SLK: variants seen among roughly 807,000 people sequenced by gnomAD.
SLK encodes the protein STE20 like kinase.
A neutral mutation model predicts 147.7 loss-of-function variants in SLK; 67 were observed. That is an observed-to-expected ratio of 0.45 (90% CI 0.37 to 0.56). The LOEUF (loss-of-function observed/expected upper bound fraction) is 0.56. SLK is among the 20% of genes least tolerant of loss of function. The pLI, the probability that SLK is intolerant of heterozygous loss-of-function variation, is 0.00. For missense variants in SLK, 1,136 were observed against 1,438.8 expected (o/e 0.79, Z 3.41); for synonymous variants, 441 against 475.0 (o/e 0.93, Z 0.93).
At chr10:103,988,980 C>A (rs1646694145) in intron 1 of SLK, among the ~76,000 whole-genome samples, 1 of 152,136 alleles carries the variant, frequency 6.6e-6, no homozygotes, top group Non-Finnish European at 1.5e-5. Flanking sequence ...ATTTGAAATG[C>A]TGTCCCCTAT....
intron 1 of SLK, among the ~76,000 whole-genome samples, chr10:103,973,773 T>C (rs1057247637): frequency 2.0e-5 from 3 of 152,236 alleles, no homozygotes; most frequent in African/African-American, 4.8e-5. Flanking sequence ...TTTAGTAGCC[T>C]TCTGAGAAAG....
At chr10:104,019,597 C>G (rs116551811) in intron 15 of SLK, 137 bp from the exon 16 acceptor site, 1 of 714,450 alleles carries the variant, frequency 1.4e-6, no homozygotes, top group Non-Finnish European at 2.4e-6. Context: ...TATTTTGTGC[C>G]TAGTATTTTG....
chr10:103,988,558 A>G (rs1421796379), intron 1 of SLK, among the ~76,000 whole-genome samples: 1 of 152,214 alleles, frequency 6.6e-6, no homozygotes, highest in Non-Finnish European at 1.5e-5. Context: ...TTCAACCTCC[A>G]GCAGAAAGGG....
intron 13 of SLK, among the ~76,000 whole-genome samples, chr10:104,015,372 C>A (rs1844449208): frequency 6.6e-6 from 1 of 152,188 alleles, no homozygotes; most frequent in South Asian, 2.1e-4. Context: ...TCCTCTTTAC[C>A]CTTTAGGAGT....
chr10:103,980,328 A>G (rs1194912740), intron 1 of SLK, among the ~76,000 whole-genome samples: 1 of 152,092 alleles, frequency 6.6e-6, no homozygotes, highest in Non-Finnish European at 1.5e-5. Context: ...TACTGTCTTG[A>G]CTATTTTTTA....
At chr10:104,024,533 C>T (rs557057971) in intron 18 of SLK, among the ~76,000 whole-genome samples, 1 of 152,330 alleles carries the variant, frequency 6.6e-6, no homozygotes, top group South Asian at 2.1e-4. Flanking sequence ...ACCAGCTCCT[C>T]GGCTTCCTGC....
intron 5 of SLK, 71 bp from the exon 6 acceptor site, chr10:103,999,048 A>C: frequency 3.2e-6 from 5 of 1,540,106 alleles, no homozygotes; most frequent in Non-Finnish European, 4.5e-6. Flanking sequence ...TTGTCCACAT[A>C]ATTGATTATA....
chr10:103,987,550 G>C (rs1310650354), intron 1 of SLK, among the ~76,000 whole-genome samples: 1 of 152,110 alleles, frequency 6.6e-6, no homozygotes, highest in Non-Finnish European at 1.5e-5. Flanking sequence ...ATTCTTAAAA[G>C]TGAGATTTAG....
At chr10:103,969,393 A>T (rs1843763923) in intron 1 of SLK, among the ~76,000 whole-genome samples, 1 of 152,238 alleles carries the variant, frequency 6.6e-6, no homozygotes, top group Admixed American at 6.5e-5. Context: ...GTGCTTTCAG[A>T]ACACGTTGTT....
chr10:103,981,193 TTG>T (rs1461892288), intron 1 of SLK, among the ~76,000 whole-genome samples: 100 of 120,964 alleles, frequency 8.3e-4, no homozygotes, highest in Non-Finnish European at 1.2e-3. Flanking sequence ...GTTTTTTTTG[TTG>T]TTGTTGTTGT....
At chr10:103,979,111 G>A (rs1288995633) in intron 1 of SLK, among the ~76,000 whole-genome samples, 1 of 152,192 alleles carries the variant, frequency 6.6e-6, no homozygotes, top group Non-Finnish European at 1.5e-5. Flanking sequence ...CGCTTCCCAC[G>A]TTCAAGTGAT....
At chr10:104,004,255 C>T (rs1003136014) in intron 9 of SLK, among the ~76,000 whole-genome samples, 9 of 152,146 alleles carry the variant, frequency 5.9e-5, no homozygotes, top group African/African-American at 1.9e-4. Flanking sequence ...AGTGATTAGT[C>T]TGCCTATCTG....
At chr10:103,995,080 AATT>A (rs1844149468) in intron 4 of SLK, among the ~76,000 whole-genome samples, 1 of 152,208 alleles carries the variant, frequency 6.6e-6, no homozygotes, top group South Asian at 2.1e-4. Flanking sequence ...TATAAACACC[AATT>A]ATTTCATTAT....
At chr10:103,996,720 A>G (rs1175734098) in intron 4 of SLK, among the ~76,000 whole-genome samples, 1 of 152,028 alleles carries the variant, frequency 6.6e-6, no homozygotes, top group Non-Finnish European at 1.5e-5. Context: ...TGCTCGTACA[A>G]TATTCGAGTG....
chr10:104,008,573 G>A (rs1844359582), intron 12 of SLK, among the ~76,000 whole-genome samples: 1 of 152,210 alleles, frequency 6.6e-6, no homozygotes, highest in South Asian at 2.1e-4. Context: ...AGAGGTTTTA[G>A]TGACCTGTTT....
intron 1 of SLK, among the ~76,000 whole-genome samples, chr10:103,982,962 C>G (rs1843965897): frequency 6.6e-6 from 1 of 152,162 alleles, no homozygotes; most frequent in Non-Finnish European, 1.5e-5. Flanking sequence ...CACTTATACA[C>G]CTCATTTCTC....
chr10:103,968,909 A>G (rs1263543703), intron 1 of SLK, among the ~76,000 whole-genome samples: 3 of 152,082 alleles, frequency 2.0e-5, no homozygotes, highest in Non-Finnish European at 4.4e-5. Flanking sequence ...TTCTGAGCCC[A>G]TATTTAGTAT....
At chr10:104,005,481 A>C in intron 9 of SLK, 80 bp from the exon 10 acceptor site, 1 of 1,307,874 alleles carries the variant, frequency 7.6e-7, no homozygotes, top group South Asian at 1.4e-5. Flanking sequence ...AAAAAGAAAG[A>C]AATGTTTAAG....
rs1438325823 is a variant in SLK, at chr10:103,967,307, C to T, written c.-439C>T. The T allele has an allele frequency of 6.7e-6, 1 of 149,464 alleles. No individual in the cohort carries two copies. The highest frequency in any genetic ancestry group is 1.9e-4 in the East Asian group (1 of 5,134). 9.3% of individuals were successfully genotyped at this position (149,464 alleles called of 1,614,324 possible). A position where few individuals can be genotyped will look rare whatever the true frequency, so the allele number is the denominator to read the frequency against. ...CGCGGCCCGAGGCGGGAGGGCTCGG[C>T]TTCTCGACTGCCCGCCTCCGAGGCC... On this transcript the variant is annotated 5_prime_UTR_variant, in exon 1 of 19. Transcript: ENST00000369755.
Sources: allele counts gnomAD v4.1 joint callset (sites outside exome capture counted in the v4.1 genomes callset), GRCh38; gene constraint gnomAD v4.1.1; transcripts MANE v1.5; gene names NCBI Gene and HGNC (gene_info 2026-07-23, HGNC 2026-07-21).